SPICE1: variants seen among roughly 807,000 people sequenced by gnomAD.
The protein encoded by SPICE1 is spindle and centriole-associated protein 1.
In SPICE1, 75 loss-of-function variants were observed where a neutral mutation model predicts 102.7. The ratio of observed to expected loss-of-function variants is 0.73; its 90% CI spans 0.61 to 0.88. The LOEUF (loss-of-function observed/expected upper bound fraction) is 0.88. SPICE1 is among the 40% of genes least tolerant of loss of function. SPICE1 has a pLI of 0.00. For missense variants in SPICE1, 979 were observed against 1,020.1 expected (o/e 0.96, Z 0.55); for synonymous variants, 308 against 350.3 (o/e 0.88, Z 1.35).
Position 113,493,327 on chromosome 3 carries a change from G to T in SPICE1, c.386-15C>A, listed in dbSNP as rs1166891705. ...ATTTGGAAACCCTGCAAAAGGAAAA[G>T]AAGTTGTGATGATTTGTTTCATTTA... On this transcript the variant is annotated splice_polypyrimidine_tract_variant and intron_variant, in intron 5 of 17. Transcript: ENST00000295872. 2.5e-6 allele frequency: 4 copies of T among 1,600,924 alleles called. No homozygotes were observed. The highest frequency in any genetic ancestry group is 3.4e-6 in the Non-Finnish European group (4 of 1,168,328).
chr3:113,483,525 T>C (rs961840112), intron 7 of SPICE1, among the ~76,000 whole-genome samples: 1 of 152,206 alleles, frequency 6.6e-6, no homozygotes, highest in Non-Finnish European at 1.5e-5. Context: ...TGGTCACAAA[T>C]AGCTCTTATT....
rs187886616 is a variant in SPICE1 at position 113,460,588 on chromosome 3, A to T, written c.1435+29T>A. On this transcript the variant is annotated intron_variant, in intron 12 of 17. Coordinates refer to ENST00000295872, the MANE Select transcript of SPICE1 (RefSeq NM_144718.4). ...TCTAAGGCCATTAAGTAGTCTAATG[A>T]CAGTCTGAGAGAGTAAGACCACACT... The T allele has an allele frequency of 1.0e-5, 16 of 1,577,952 alleles. No homozygotes were observed. In the African/African-American group the frequency reaches 1.6e-4, roughly 16 times the overall value.
At chr3:113,464,445 C>A (rs965106338) in intron 11 of SPICE1, among the ~76,000 whole-genome samples, 2 of 151,822 alleles carry the variant, frequency 1.3e-5, no homozygotes, top group Non-Finnish European at 2.9e-5. Flanking sequence ...TTTGTAGAGA[C>A]AGGTCTCACT....
At chr3:113,448,366 G>C (rs1935567205) in intron 15 of SPICE1, among the ~76,000 whole-genome samples, 2 of 151,174 alleles carry the variant, frequency 1.3e-5, no homozygotes, top group South Asian at 4.2e-4. Context: ...AGTTCATAGA[G>C]AGCCAAAATC....
chr3:113,480,214 A>G (rs779940841), intron 7 of SPICE1, among the ~76,000 whole-genome samples: 9 of 151,994 alleles, frequency 5.9e-5, no homozygotes, highest in Non-Finnish European at 8.8e-5. Context: ...TTACTATGGC[A>G]CTTCCCCACA....
intron 12 of SPICE1, among the ~76,000 whole-genome samples, 182 bp from the exon 13 acceptor site, chr3:113,457,539 G>T (rs1935807697): frequency 6.6e-6 from 1 of 152,090 alleles, no homozygotes; most frequent in Non-Finnish European, 1.5e-5. Flanking sequence ...GCAGGCTCCT[G>T]GGGGGCTAGT....
intron 1 of SPICE1, among the ~76,000 whole-genome samples, chr3:113,508,010 G>A (rs1055049239): frequency 2.0e-5 from 3 of 152,070 alleles, no homozygotes; most frequent in Non-Finnish European, 4.4e-5. Context: ...TTCAACATGG[G>A]TGCCAAGACA....
chr3:113,480,158 A>G, intron 7 of SPICE1, among the ~76,000 whole-genome samples: 1 of 152,056 alleles, frequency 6.6e-6, no homozygotes, highest in East Asian at 1.9e-4. Context: ...TATAACTTAT[A>G]AAAATTGGCT....
chr3:113,458,557 C>A (rs1376601937), intron 12 of SPICE1, among the ~76,000 whole-genome samples: 1 of 152,174 alleles, frequency 6.6e-6, no homozygotes, highest in African/African-American at 2.4e-5. Context: ...GATTTCGGCT[C>A]GCTACAACCT....
In SPICE1 at chr3:113,489,847, C is replaced by CAAA. The variant is rs35823502; in HGVS notation, c.493-787_493-785dup. Among the ~76,000 whole-genome samples the CAAA allele has an allele frequency of 8.6e-3, 687 of 80,070 alleles. 20 individuals carry two copies. The highest frequency in any genetic ancestry group is 0.026 in the African/African-American group (594 of 23,076). 52.5% of individuals were successfully genotyped at this position (80,070 alleles called of 152,430 possible). ...TGGGCAACAGAGCAAGACCCTGTCT[C>CAAA]AAAAAAAAAAAAAAAAAAAAAACGC... is the stretch of plus-strand genomic sequence containing the variant. On this transcript the variant is annotated intron_variant, in intron 6 of 17. Transcript: ENST00000295872.
intron 3 of SPICE1, among the ~76,000 whole-genome samples, chr3:113,501,039 T>C (rs1016041737): frequency 2.0e-5 from 3 of 152,114 alleles, no homozygotes; most frequent in African/African-American, 7.2e-5. Flanking sequence ...ATCAAGACAA[T>C]GTGGTACTGG....
chr3:113,467,330 C>T (rs891834452), intron 10 of SPICE1, among the ~76,000 whole-genome samples: 7 of 152,066 alleles, frequency 4.6e-5, no homozygotes, highest in Admixed American at 3.9e-4. Context: ...CTTGCTCTGC[C>T]GCCCAGGCTG....
At chr3:113,483,598 T>C (rs1417951254) in intron 7 of SPICE1, among the ~76,000 whole-genome samples, 1 of 152,214 alleles carries the variant, frequency 6.6e-6, no homozygotes, top group African/African-American at 2.4e-5. Context: ...GGGTGTTGAA[T>C]TTTGTCAAAG....
intron 13 of SPICE1, among the ~76,000 whole-genome samples, chr3:113,456,544 CTAAGT>C (rs1334531589): frequency 2.6e-5 from 4 of 152,068 alleles, no homozygotes; most frequent in Non-Finnish European, 5.9e-5. Context: ...TTCATGAACC[CTAAGT>C]TAAGAATCTT....
chr3:113,504,876 C>T (rs1436337681), intron 2 of SPICE1, among the ~76,000 whole-genome samples: 1 of 152,132 alleles, frequency 6.6e-6, no homozygotes, highest in Non-Finnish European at 1.5e-5. Flanking sequence ...CCATTTACTC[C>T]AAATGACTTA....
At position 113,446,494 on chromosome 3, in the gene SPICE1, A is replaced by G. The variant is rs137913500; in HGVS notation, c.2514+95T>C. On this transcript the variant is annotated intron_variant, in intron 17 of 17. Coordinates refer to ENST00000295872, the MANE Select transcript of SPICE1 (RefSeq NM_144718.4). ...TTAAGAATATCATACCAGCTTTAGG[A>G]TAACAGGAATGATAATTAAGAATGG... 3.3e-4 allele frequency: 300 copies of G among 917,954 alleles called. No homozygotes were observed. In the African/African-American group the frequency reaches 4.0e-3, roughly 12 times the overall value. 56.9% of individuals were successfully genotyped at this position (917,954 alleles called of 1,614,324 possible).
chr3:113,502,320 G>A (rs148197163), intron 3 of SPICE1, among the ~76,000 whole-genome samples: 232 of 152,286 alleles, frequency 1.5e-3, no homozygotes, highest in African/African-American at 5.3e-3. Flanking sequence ...GCTGCAGTGG[G>A]CAGAGACATA....
intron 15 of SPICE1, 57 bp from the exon 16 acceptor site, chr3:113,448,197 C>T: frequency 6.9e-7 from 1 of 1,446,266 alleles, no homozygotes; most frequent in Non-Finnish European, 9.3e-7. Flanking sequence ...AAAAATTTCA[C>T]TCAATTTCTA....
At chr3:113,509,408 A>T (rs1937175766) in intron 1 of SPICE1, among the ~76,000 whole-genome samples, 1 of 151,166 alleles carries the variant, frequency 6.6e-6, no homozygotes, top group Admixed American at 6.6e-5. Context: ...TTAAAATTAA[A>T]AATGTTTAAT....
Sources: gnomAD v4.1 joint callset for allele counts (sites outside exome capture counted in the v4.1 genomes callset) on GRCh38, gnomAD v4.1.1 for gene constraint, MANE v1.5 for transcripts, NCBI Gene and HGNC (gene_info 2026-07-23, HGNC 2026-07-21) for gene names.